Variants in BMP4 observed in about 807,000 individuals in gnomAD.
The protein encoded by BMP4 is bone morphogenetic protein 4, also known as bone morphogenetic protein 2B.
BMP4 carries 3 observed loss-of-function variants against 29.6 expected under a neutral mutation model. That is an observed-to-expected ratio of 0.10 (90% CI 0.05 to 0.26). The LOEUF is 0.26. BMP4 is among the 10% of genes least tolerant of loss of function. The pLI is 1.00. For synonymous variants in BMP4, 197 were observed against 213.2 expected (o/e 0.92, Z 0.66); for missense variants, 455 against 550.2 (o/e 0.83, Z 1.73).
chr14:53,953,935 C>CCCA (rs1555340602), intron 1 of BMP4, among the ~76,000 whole-genome samples: 3 of 151,584 alleles, frequency 2.0e-5, no homozygotes, highest in Non-Finnish European at 4.4e-5. Context: ...ACACACCCCC[C>CCCA]CACACACACA....
chr14:53,951,824 C>A (rs772152954), intron 3 of BMP4, 29 bp downstream of exon 3: 1 of 1,597,746 alleles, frequency 6.3e-7, no homozygotes, highest in African/African-American at 1.3e-5. Flanking sequence ...ACCAGCCCTC[C>A]CCCACGCAGA....
intron 2 of BMP4, 128 bp downstream of exon 2, chr14:53,953,148 C>T (rs1020979437): frequency 7.8e-6 from 3 of 385,472 alleles, no homozygotes; most frequent in South Asian, 1.4e-4. Context: ...AAGAAGGGAG[C>T]GACAGTGCTG....
rs1397763410 is a variant in BMP4, at chr14:53,956,745, G to GA, written c.-329dup. On this transcript the variant is annotated 5_prime_UTR_variant, in exon 1 of 4. Transcript: ENST00000245451. ...TCTCAGGCTCGCGTCCCTCAGCTCG[G>GA]ATGCCACACTCACCTAGCTTCCGGG... 5.0e-6 allele frequency: 2 copies of GA among 399,522 alleles called. No homozygotes were observed. Among genetic ancestry groups the GA allele is most frequent in the Non-Finnish European group, 8.8e-6 (2 of 226,648 alleles). The allele number at this position is 399,522 out of a possible 1,614,324, so 24.7% of individuals were successfully genotyped here.
In BMP4 at chr14:53,950,849, G is replaced by C; in HGVS notation, c.410C>G (p.Ala137Gly). Residue 137 changes from alanine to glycine, a missense_variant, in exon 4 of 4, where the codon GCT (alanine) becomes GGT (glycine). Around this residue, in one of 4 missense-constraint regions of BMP4, gnomAD observed 249 missense variants for 284.6 expected, o/e 0.87. Coordinates refer to ENST00000245451, the MANE Select transcript of BMP4 (RefSeq NM_001202.6). This position sits in a 1 kb window ranked among gnomAD's most constrained non-coding sequence, Gnocchi z 5.4. ...GCTGAGGTTAAAGAGGAAACGAAAA[G>C]CAGAGTTTTCACTGGTCCCTGGGAT... ...ENIPGTSENSAFRFLFNLSSI... is the reference protein window; with the variant it reads ...ENIPGTSENSGFRFLFNLSSI... The C allele has an allele frequency of 6.2e-7, 1 of 1,607,324 alleles. No individual in the cohort carries two copies. Among genetic ancestry groups the C allele is most frequent in the Non-Finnish European group, 8.5e-7 (1 of 1,179,996 alleles).
chr14:53,954,203 A>G lies in BMP4; in HGVS notation c.-132-803T>C, dbSNP rs1220298317. Among the ~76,000 whole-genome samples the G allele has an allele frequency of 6.6e-6, 1 of 152,018 alleles. No individual in the cohort carries two copies. Among genetic ancestry groups the G allele is most frequent in the Non-Finnish European group, 1.5e-5 (1 of 68,004 alleles). On this transcript the variant is annotated intron_variant, in intron 1 of 3. Coordinates refer to ENST00000245451, the MANE Select transcript of BMP4 (RefSeq NM_001202.6). This position sits in a 1 kb window ranked among gnomAD's most constrained non-coding sequence, Gnocchi z 4.8. The stretch of plus-strand genomic sequence containing the variant: ...AGTCATTGCTCCGGGTCCATTACCG[A>G]GAATCCCCAAACCTAGTCCGCCGCT...
Position 53,950,741 on chromosome 14 carries a change from C to G in BMP4, c.518G>C (p.Arg173Thr), listed in dbSNP as rs1566579746. 1 of 1,614,040 alleles carries G rather than the reference C, an allele frequency of 6.2e-7. No individual in the cohort carries two copies. Among genetic ancestry groups the G allele is most frequent in the Non-Finnish European group, 8.5e-7 (1 of 1,180,016 alleles). Residue 173 changes from arginine to threonine, a missense_variant, in exon 4 of 4, where the codon AGG becomes ACG. Physicochemically the swap from Arg to Thr is moderately conservative, Grantham distance 71. Coordinates refer to ENST00000245451, the MANE Select transcript of BMP4 (RefSeq NM_001202.6). The surrounding 1 kb of genome is among the most constrained non-coding windows in gnomAD (Gnocchi z 5.4). ...ATAAATGTTTATACGGTGGAAGCCC[C>G]TTTCCCAATCAGGGCCCTGGTCCAC... ...EQVDQGPDWE[R>T]GFHRINIYEV...
chr14:53,949,866 T>G lies in BMP4; in HGVS notation c.*166A>C. The stretch of plus-strand genomic sequence containing the variant: ...AAGTCATAAATAAGGTCAAGGTGAA[T>G]GTTTAGGGATTTTTTCCTTTTTTTT... On this transcript the variant is annotated 3_prime_UTR_variant, in exon 4 of 4. Coordinates refer to ENST00000245451, the MANE Select transcript of BMP4 (RefSeq NM_001202.6). 1.4e-6 allele frequency: 1 copy of G among 719,878 alleles called. No individual in the cohort carries two copies. The highest frequency in any genetic ancestry group is 2.2e-6 in the Non-Finnish European group (1 of 456,476). 44.6% of individuals were successfully genotyped at this position (719,878 alleles called of 1,614,324 possible).
chr14:53,953,120 C>A (rs1378637419), intron 2 of BMP4, among the ~76,000 whole-genome samples, 156 bp downstream of exon 2: 1 of 152,170 alleles, frequency 6.6e-6, no homozygotes, highest in African/African-American at 2.4e-5. Flanking sequence ...ACGCTTCCAG[C>A]GCCCCGGCTG....
In BMP4 at chr14:53,949,953, G is replaced by C; in HGVS notation, c.*79C>G. ...AGTCTGTGTAGTGTGTGGGTGAGTGGATGGGAACGTGTGTGTGTGGTGTAT... is the reference window on the plus strand; with the variant it reads ...AGTCTGTGTAGTGTGTGGGTGAGTGCATGGGAACGTGTGTGTGTGGTGTAT... On this transcript the variant is annotated 3_prime_UTR_variant, in exon 4 of 4. Transcript: ENST00000245451. 6.7e-7 allele frequency: 1 copy of C among 1,497,254 alleles called. No homozygotes were observed. Among genetic ancestry groups the C allele is most frequent in the South Asian group, 1.2e-5 (1 of 85,754 alleles). The allele number at this position is 1,497,254 out of a possible 1,614,324, so 92.7% of individuals were successfully genotyped here. A position where few individuals can be genotyped will look rare whatever the true frequency, so the allele number is the denominator to read the frequency against.
chr14:53,953,711 G>A (rs1395559778), intron 1 of BMP4, among the ~76,000 whole-genome samples: 1 of 152,038 alleles, frequency 6.6e-6, no homozygotes, highest in Admixed American at 6.5e-5. Flanking sequence ...GGAGAACCCG[G>A]TTCTCGGCGC....
In BMP4 at chr14:53,950,002, T is replaced by C; in HGVS notation, c.*30A>G. On this transcript the variant is annotated 3_prime_UTR_variant, in exon 4 of 4. Transcript: ENST00000245451. This position sits in a 1 kb window ranked among gnomAD's most constrained non-coding sequence, Gnocchi z 5.4. ...ATGTGGTGTGTGTGTGTGGTGTGTA[T>C]ATCTGTCTATCCTCAAGGACTGCCT... is the stretch of plus-strand genomic sequence containing the variant. The C allele has an allele frequency of 6.2e-7, 1 of 1,613,012 alleles. No individual in the cohort carries two copies. Among genetic ancestry groups the C allele is most frequent in the African/African-American group, 1.3e-5 (1 of 74,852 alleles).
Position 53,956,626 on chromosome 14 carries a change from G to A in BMP4, c.-209C>T. ...GAACGGTTGCAGTGAACCTGGGCGA[G>A]GGCCGGGGACTGTGGCGCTGCAGGC... is the stretch of plus-strand genomic sequence containing the variant. On this transcript the variant is annotated 5_prime_UTR_variant, in exon 1 of 4. Coordinates refer to ENST00000245451, the MANE Select transcript of BMP4 (RefSeq NM_001202.6). 2 of 399,356 alleles carry A rather than the reference G, an allele frequency of 5.0e-6. No homozygotes were observed. Among genetic ancestry groups the A allele is most frequent in the Non-Finnish European group, 8.8e-6 (2 of 226,350 alleles). The allele number at this position is 399,356 out of a possible 1,614,324, so 24.7% of individuals were successfully genotyped here. A position where few individuals can be genotyped will look rare whatever the true frequency, so the allele number is the denominator to read the frequency against.
chr14:53,950,246 T>C lies in BMP4; in HGVS notation c.1013A>G (p.His338Arg). ...AGCCAGTGGAAAGGGGCAGTCCCCA[T>C]GGCAGTAGAAGGCCTGGTAGCCTGG... ...APPGYQAFYC[H>R]GDCPFPLADH... is the part of the protein sequence containing the mutation. The change falls in exon 4 of 4, where the codon CAT (histidine) becomes CGT (arginine). Residue 338 changes from histidine (H) to arginine (R), a missense_variant. Physicochemically the swap from His to Arg is conservative, Grantham distance 29 (BLOSUM62 0). Coordinates refer to ENST00000245451, the MANE Select transcript of BMP4 (RefSeq NM_001202.6). This position sits in a 1 kb window ranked among gnomAD's most constrained non-coding sequence, Gnocchi z 5.4. 1 of 1,614,268 alleles carries C rather than the reference T, an allele frequency of 6.2e-7. No individual in the cohort carries two copies. The highest frequency in any genetic ancestry group is 8.5e-7 in the Non-Finnish European group (1 of 1,180,036).
At chr14:53,953,193 C>T (rs1895539240) in intron 2 of BMP4, 83 bp downstream of exon 2, 2 of 392,394 alleles carry the variant, frequency 5.1e-6, no homozygotes, top group South Asian at 2.8e-4. Context: ...TAAAGGAGGT[C>T]CGACGGAAGG....
Position 53,950,304 on chromosome 14 carries a change from C to T in BMP4, c.955G>A (p.Asp319Asn), listed in dbSNP as rs1225275541. The change falls in exon 4 of 4, where the codon GAT (aspartate) becomes AAT (asparagine). Residue 319 changes from aspartate (D) to asparagine (N), a missense_variant. Physicochemically the swap from Asp to Asn is conservative, Grantham distance 23. Around this residue, in one of 4 missense-constraint regions of BMP4, gnomAD observed 154 missense variants for 156.8 expected, o/e 0.98. Transcript: ENST00000245451. The surrounding 1 kb of genome is among the most constrained non-coding windows in gnomAD (Gnocchi z 5.4). ...ACAATCCAGTCATTCCAGCCCACATCGCTGAAGTCCACATAGAGCGAGTGG... is the reference window on the plus strand; with the variant it reads ...ACAATCCAGTCATTCCAGCCCACATTGCTGAAGTCCACATAGAGCGAGTGG... ...RRHSLYVDFS[D>N]VGWNDWIVAP... is the part of the protein sequence containing the mutation. 4 of 1,614,230 alleles carry T rather than the reference C, an allele frequency of 2.5e-6. No homozygotes were observed. Among genetic ancestry groups the T allele is most frequent in the Non-Finnish European group, 2.5e-6 (3 of 1,180,044 alleles).
chr14:53,953,639 G>C (rs939212381), intron 1 of BMP4, among the ~76,000 whole-genome samples: 4 of 151,656 alleles, frequency 2.6e-5, no homozygotes, highest in African/African-American at 4.8e-5. Context: ...GGCGGCGCTC[G>C]GCAGAGCCCT....
chr14:53,950,738 C>A lies in BMP4; in HGVS notation c.521G>T (p.Gly174Val). The change falls in exon 4 of 4, where the codon GGC (glycine) becomes GTC (valine). Residue 174 changes from glycine (G) to valine (V), a missense_variant. Around this residue, in one of 4 missense-constraint regions of BMP4, gnomAD observed 249 missense variants for 284.6 expected, o/e 0.87. Coordinates refer to ENST00000245451, the MANE Select transcript of BMP4 (RefSeq NM_001202.6). The surrounding 1 kb of genome is among the most constrained non-coding windows in gnomAD (Gnocchi z 5.4). Reference protein sequence around the residue: ...QVDQGPDWERGFHRINIYEVM... With the variant: ...QVDQGPDWERVFHRINIYEVM... ...CTCATAAATGTTTATACGGTGGAAG[C>A]CCCTTTCCCAATCAGGGCCCTGGTC... is the stretch of plus-strand genomic sequence containing the variant. 4 of 1,614,068 alleles carry A rather than the reference C, an allele frequency of 2.5e-6. No homozygotes were observed. Among genetic ancestry groups the A allele is most frequent in the Non-Finnish European group, 3.4e-6 (4 of 1,180,026 alleles).
Position 53,953,530 on chromosome 14 carries a change from C to T in BMP4, c.-132-130G>A, listed in dbSNP as rs1314087831. ...CGGCGAAAGGGCTTGCGCGCCCTCC[C>T]CTCCTCCACAGCCCCCCGCCCCTCG... On this transcript the variant is annotated intron_variant, in intron 1 of 3. Coordinates refer to ENST00000245451, the MANE Select transcript of BMP4 (RefSeq NM_001202.6). 1.0e-5 allele frequency: 4 copies of T among 390,418 alleles called. No homozygotes were observed. In the East Asian group the frequency reaches 1.1e-4, roughly 11 times the overall value. The allele number at this position is 390,418 out of a possible 1,614,324, so 24.2% of individuals were successfully genotyped here. A position where few individuals can be genotyped will look rare whatever the true frequency, so the allele number is the denominator to read the frequency against.
rs1180347739 is a variant in BMP4, at chr14:53,952,144, T to G, written c.79A>C (p.Ile27Leu). 1 of 1,613,988 alleles carries G rather than the reference T, an allele frequency of 6.2e-7. No individual in the cohort carries two copies. The highest frequency in any genetic ancestry group is 1.1e-5 in the South Asian group (1 of 91,072). The change falls in exon 3 of 4, where the codon ATA becomes CTA. Residue 27 changes from isoleucine to leucine, a missense_variant. Ile to Leu is a conservative substitution (Grantham distance 5, BLOSUM62 2). Transcript: ENST00000245451. ...LLGGASHASL[I>L]PETGKKKVAE... is the part of the protein sequence containing the mutation. ...ACTTTTTTCTTCCCCGTCTCAGGTA[T>G]CAAACTAGCATGGCTCGCGCCTCCT...
Sources: allele counts gnomAD v4.1 joint callset (sites outside exome capture counted in the v4.1 genomes callset), GRCh38; gene constraint gnomAD v4.1.1; regional missense constraint gnomAD v4.1.1; non-coding constraint Gnocchi (gnomAD v3.1); transcripts MANE v1.5; gene names NCBI Gene and HGNC (gene_info 2026-07-23, HGNC 2026-07-21).